Variants in SEL1L observed in about 807,000 individuals in gnomAD.
SEL1L encodes SEL1L adaptor subunit of SYVN1 ubiquitin ligase, also known as protein sel-1 homolog 1.
SEL1L carries 52 observed loss-of-function variants against 109.8 expected under a neutral mutation model. The ratio of observed to expected loss-of-function variants is 0.47; its 90% CI spans 0.38 to 0.60. The LOEUF is 0.60. Among genes scored for constraint, SEL1L ranks in the 20% least tolerant of loss-of-function variants. The pLI, the probability that SEL1L is intolerant of heterozygous loss-of-function variation, is 0.00. For synonymous variants in SEL1L, 373 were observed against 339.6 expected, an observed-to-expected ratio of 1.10 and a Z score of -1.08; for missense variants, 749 against 962.2, an observed-to-expected ratio of 0.78 and a Z score of 2.93.
chr14:81,510,504 C>CTATA (rs1201145909), intron 3 of SEL1L, among the ~76,000 whole-genome samples: 20 of 124,556 alleles, frequency 1.6e-4, no homozygotes, highest in South Asian at 5.4e-4. Context: ...CTCTCTCTCT[C>CTATA]TCTCTCTCTC....
intron 19 of SEL1L, 59 bp downstream of exon 19, chr14:81,484,166 G>C (rs932150203): frequency 1.3e-5 from 19 of 1,509,322 alleles, no homozygotes; most frequent in Non-Finnish European, 1.4e-5. Flanking sequence ...CTATACAAAT[G>C]CAAGTATTTT....
At chr14:81,529,974 C>G (rs542775566) in intron 1 of SEL1L, among the ~76,000 whole-genome samples, 6 of 152,210 alleles carry the variant, frequency 3.9e-5, no homozygotes, top group African/African-American at 1.4e-4. Flanking sequence ...TTAAGTTATG[C>G]GCTTCTCGCT....
rs1489322194 is a variant in SEL1L, at chr14:81,504,211, G to T, written c.604C>A (p.Gln202Lys). 2 of 1,581,326 alleles carry T rather than the reference G, an allele frequency of 1.3e-6. No individual in the cohort carries two copies. The highest frequency in any genetic ancestry group is 1.7e-6 in the Non-Finnish European group (2 of 1,163,778). The change falls in exon 5 of 21, where the codon CAA (glutamine) becomes AAA (lysine). Residue 202 changes from glutamine (Q) to lysine (K), a missense_variant. Physicochemically the swap from Gln to Lys is moderately conservative, Grantham distance 53. Around this residue, in one of 2 missense-constraint regions of SEL1L, gnomAD observed 366 missense variants for 399.8 expected, o/e 0.92. Transcript: ENST00000336735. ...AGCAGTGCTACCTACTCTCTTTTTT[G>T]GCTTTTCTTATTGCTTCCATTAAGG... is the stretch of plus-strand genomic sequence containing the variant. ...KILNGSNKKS[Q>K]KREAYRYLQK...
Position 81,487,867 on chromosome 14 carries a change from A to G in SEL1L, c.1471T>C (p.Ser491Pro). Residue 491 changes from serine to proline, a missense_variant, in exon 15 of 21, where the codon TCC becomes CCC. By Grantham distance (74) the Ser-to-Pro change is moderately conservative (BLOSUM62 -1). This residue lies in a region of SEL1L where 383 missense variants were observed against 562.5 expected (regional missense o/e 0.68). Coordinates refer to ENST00000336735, the MANE Select transcript of SEL1L (RefSeq NM_005065.6). The part of the protein sequence containing the change: ...GWVDGQLQLG[S>P]MYYNGIGVKR... The stretch of plus-strand genomic sequence containing the variant: ...CAGTGTTACTTACTATAGTACATGG[A>G]ACCAAGCTGTAGCTGCCCATCCACC... 6.2e-7 allele frequency: 1 copy of G among 1,613,996 alleles called. No individual in the cohort carries two copies. Among genetic ancestry groups the G allele is most frequent in the Non-Finnish European group, 8.5e-7 (1 of 1,179,932 alleles).
chr14:81,516,584 G>A (rs923768983), intron 3 of SEL1L, among the ~76,000 whole-genome samples: 11 of 152,096 alleles, frequency 7.2e-5, no homozygotes, highest in Admixed American at 3.3e-4. Context: ...TTCCGGACAC[G>A]CCACCATTCT....
intron 3 of SEL1L, among the ~76,000 whole-genome samples, chr14:81,516,799 G>A (rs139584188): frequency 4.3e-4 from 66 of 152,266 alleles, no homozygotes; most frequent in Non-Finnish European, 6.8e-4. Flanking sequence ...ACAATTTGCC[G>A]CTGGGGTAAT....
At chr14:81,510,510 C>CTATATATA (rs1424985040) in intron 3 of SEL1L, among the ~76,000 whole-genome samples, 162 of 108,330 alleles carry the variant, frequency 1.5e-3, no homozygotes, top group Non-Finnish European at 1.7e-3. Context: ...CTCTCTCTCT[C>CTATATATA]TCTCTATATA....
At chr14:81,499,850 C>T (rs1883929158) in intron 6 of SEL1L, among the ~76,000 whole-genome samples, 188 bp from the exon 7 acceptor site, 1 of 149,796 alleles carries the variant, frequency 6.7e-6, no homozygotes, top group Admixed American at 6.6e-5. Flanking sequence ...TTACACATTA[C>T]ACAATTAAAT....
rs754573858 is a variant in SEL1L at position 81,489,341 on chromosome 14, G to A, written c.1333-27C>T. 1.6e-5 allele frequency: 25 copies of A among 1,591,880 alleles called. No homozygotes were observed. In the East Asian group the frequency reaches 5.6e-4, roughly 36 times the overall value. Reference sequence around the variant, plus strand: ...TGCAAAGCAGAGAAATCAGACAAAAGAGTGAAAAGAATTCATTCAAAAATA... The same window carrying A: ...TGCAAAGCAGAGAAATCAGACAAAAAAGTGAAAAGAATTCATTCAAAAATA... On this transcript the variant is annotated intron_variant, in intron 13 of 20. Coordinates refer to ENST00000336735, the MANE Select transcript of SEL1L (RefSeq NM_005065.6).
At chr14:81,507,857 G>T (rs1249963850) in intron 3 of SEL1L, among the ~76,000 whole-genome samples, 1 of 152,116 alleles carries the variant, frequency 6.6e-6, no homozygotes, top group South Asian at 2.1e-4. Flanking sequence ...AGCAGAGCTC[G>T]GTCATGAAGG....
chr14:81,477,317 G>GTGTGTGTC, intron 20 of SEL1L, 136 bp from the exon 21 acceptor site: 2 of 631,026 alleles, frequency 3.2e-6, no homozygotes, highest in Non-Finnish European at 5.4e-6. Context: ...GTGTGTGTGT[G>GTGTGTGTC]TGTGTGTGTG....
At chr14:81,525,742 T>A (rs889521846) in intron 3 of SEL1L, among the ~76,000 whole-genome samples, 1 of 152,174 alleles carries the variant, frequency 6.6e-6, no homozygotes, top group African/African-American at 2.4e-5. Flanking sequence ...ACAAATAAAA[T>A]TTTTTATAGC....
chr14:81,505,017 G>C (rs181575114), intron 4 of SEL1L, among the ~76,000 whole-genome samples: 1 of 152,216 alleles, frequency 6.6e-6, no homozygotes, highest in African/African-American at 2.4e-5. Context: ...CCCAGTCTCA[G>C]GTATTTCCTT....
rs1181091396 is a variant in SEL1L, at chr14:81,475,342, T to A, written c.*1630A>T. On this transcript the variant is annotated 3_prime_UTR_variant, in exon 21 of 21. Coordinates refer to ENST00000336735, the MANE Select transcript of SEL1L (RefSeq NM_005065.6). The stretch of plus-strand genomic sequence containing the variant: ...AATTATCTGGGAGGAAAGTTTTGCT[T>A]ACCAGGTTTCCCATAATTCTCTAAA... 2 of 152,630 alleles carry A rather than the reference T, an allele frequency of 1.3e-5. No homozygotes were observed. Among genetic ancestry groups the A allele is most frequent in the East Asian group, 3.8e-4 (2 of 5,202 alleles). The allele number at this position is 152,630 out of a possible 1,614,324, so 9.5% of individuals were successfully genotyped here.
At chr14:81,529,565 A>G (rs1465724349) in intron 1 of SEL1L, among the ~76,000 whole-genome samples, 1 of 152,222 alleles carries the variant, frequency 6.6e-6, no homozygotes, top group East Asian at 1.9e-4. Context: ...ACAAGCTGTT[A>G]GGCATTAGAG....
At chr14:81,479,523 C>A in intron 20 of SEL1L, 89 bp downstream of exon 20, 1 of 1,372,122 alleles carries the variant, frequency 7.3e-7, no homozygotes. Flanking sequence ...GACCACTCTT[C>A]CCTGTGCTTC....
rs768720325 is a variant in SEL1L, at chr14:81,495,078, T to C, written c.1185+3A>G. ...TGCAAAGCCCTAGGAACAGGGTAGT[T>C]ACCTGATGATTCTGTTCTACTCCAC... On this transcript the variant is annotated splice_donor_region_variant and intron_variant, in intron 11 of 20. Coordinates refer to ENST00000336735, the MANE Select transcript of SEL1L (RefSeq NM_005065.6). 4.3e-6 allele frequency: 7 copies of C among 1,613,652 alleles called. No homozygotes were observed. Among genetic ancestry groups the C allele is most frequent in the Admixed American group, 3.3e-5 (2 of 59,976 alleles).
chr14:81,526,891 A>C lies in SEL1L; in HGVS notation c.182T>G (p.Leu61Arg). 1 of 1,599,112 alleles carries C rather than the reference A, an allele frequency of 6.3e-7. No homozygotes were observed. The highest frequency in any genetic ancestry group is 8.5e-7 in the Non-Finnish European group (1 of 1,174,718). ...AGRVVAGQIF[L>R]DSEESELESS... The stretch of plus-strand genomic sequence containing the variant: ...TTCTAATTCAGATTCTTCTGAATCA[A>C]GAAATATTTGACCAGCAACTACTCT... Residue 61 changes from leucine (L) to arginine (R), a missense_variant, in exon 3 of 21, where the codon CTT becomes CGT. Transcript: ENST00000336735.
At chr14:81,520,775 T>C (rs1205038193) in intron 3 of SEL1L, among the ~76,000 whole-genome samples, 1 of 152,232 alleles carries the variant, frequency 6.6e-6, no homozygotes, top group Non-Finnish European at 1.5e-5. Context: ...CATTGCTCAT[T>C]ATACAAAAAC....
Sources: gnomAD v4.1 joint callset for allele counts (sites outside exome capture counted in the v4.1 genomes callset) on GRCh38, gnomAD v4.1.1 for gene constraint, gnomAD v4.1.1 regional missense constraint, MANE v1.5 for transcripts, NCBI Gene and HGNC (gene_info 2026-07-23, HGNC 2026-07-21) for gene names.